ARHGAP18: variants seen among roughly 807,000 people sequenced by gnomAD.
ARHGAP18 encodes the protein rho GTPase-activating protein 18.
ARHGAP18 carries 67 observed loss-of-function variants against 86.2 expected under a neutral mutation model. The observed-to-expected ratio is 0.78, with a 90% CI of 0.64 to 0.95. The LOEUF is 0.95. Ranked by LOEUF, ARHGAP18 falls within the 40% of genes least tolerant of loss-of-function variation. ARHGAP18 has a pLI of 0.00. For synonymous variants in ARHGAP18, 283 were observed against 280.4 expected, an observed-to-expected ratio of 1.01 and a Z score of -0.09; for missense variants, 691 against 780.4, an observed-to-expected ratio of 0.89 and a Z score of 1.37.
chr6:129,645,868 T>C (rs1169036676), intron 1 of ARHGAP18, among the ~76,000 whole-genome samples: 3 of 152,188 alleles, frequency 2.0e-5, no homozygotes, highest in Non-Finnish European at 4.4e-5. Flanking sequence ...TCCTCCATGC[T>C]CTGTTTACAA....
At chr6:129,631,758 AT>A (rs869109192) in intron 4 of ARHGAP18, among the ~76,000 whole-genome samples, 16 of 114,292 alleles carry the variant, frequency 1.4e-4, no homozygotes, top group Middle Eastern at 4.3e-3. Context: ...AATTGCTTCT[AT>A]TTTAAAAAAA....
intron 10 of ARHGAP18, among the ~76,000 whole-genome samples, chr6:129,604,981 C>G (rs1043455371): frequency 6.6e-6 from 1 of 151,810 alleles, no homozygotes; most frequent in Non-Finnish European, 1.5e-5. Context: ...CAAGATGTAC[C>G]AACTAGTAAA....
chr6:129,692,959 T>C (rs1470655535), intron 1 of ARHGAP18, among the ~76,000 whole-genome samples: 1 of 152,232 alleles, frequency 6.6e-6, no homozygotes, highest in African/African-American at 2.4e-5. Context: ...CCTTCTCAAA[T>C]ATCCAGTAAT....
intron 12 of ARHGAP18, 165 bp downstream of exon 12, chr6:129,599,051 T>C (rs1788680767): frequency 1.9e-6 from 1 of 539,086 alleles, no homozygotes; most frequent in East Asian, 3.6e-5. Context: ...TACTGATCAT[T>C]AGCAGCAGTA....
At chr6:129,634,321 T>A (rs900430721) in intron 3 of ARHGAP18, among the ~76,000 whole-genome samples, 3 of 151,934 alleles carry the variant, frequency 2.0e-5, no homozygotes, top group Non-Finnish European at 4.4e-5. Flanking sequence ...GTAGGCCCAG[T>A]GGGAAATATT....
At chr6:129,625,938 T>C (rs1789449739) in intron 5 of ARHGAP18, among the ~76,000 whole-genome samples, 1 of 96,892 alleles carries the variant, frequency 1.0e-5, no homozygotes, top group Non-Finnish European at 1.9e-5. Context: ...ATATATTATA[T>C]ATTATATATT....
At chr6:129,589,162 G>A (rs1788461622) in intron 12 of ARHGAP18, among the ~76,000 whole-genome samples, 3 of 152,170 alleles carry the variant, frequency 2.0e-5, no homozygotes, top group Admixed American at 6.5e-5. Flanking sequence ...TGTTACTTCT[G>A]CAAATTTCTG....
chr6:129,638,128 G>A (rs539168446), intron 3 of ARHGAP18, among the ~76,000 whole-genome samples: 1 of 152,186 alleles, frequency 6.6e-6, no homozygotes, highest in South Asian at 2.1e-4. Flanking sequence ...TGGAGTTAAA[G>A]TCACTTGTAA....
At chr6:129,652,988 A>G (rs1388489417) in intron 1 of ARHGAP18, among the ~76,000 whole-genome samples, 1 of 152,210 alleles carries the variant, frequency 6.6e-6, no homozygotes, top group Non-Finnish European at 1.5e-5. Context: ...AAAAACATCA[A>G]CACAAGGCAA....
At chr6:129,614,467 G>C (rs549239712) in intron 7 of ARHGAP18, among the ~76,000 whole-genome samples, 2 of 152,058 alleles carry the variant, frequency 1.3e-5, no homozygotes, top group South Asian at 4.2e-4. Context: ...CCTTCAAATA[G>C]ATAAGACAGC....
chr6:129,580,554 T>C (rs1372620608), intron 13 of ARHGAP18, among the ~76,000 whole-genome samples: 4 of 152,226 alleles, frequency 2.6e-5, no homozygotes, highest in African/African-American at 9.6e-5. Flanking sequence ...TTTGCTGTGC[T>C]GACAACTCCA....
intron 1 of ARHGAP18, among the ~76,000 whole-genome samples, chr6:129,666,999 TAAA>T (rs11353429): frequency 6.6e-6 from 1 of 151,562 alleles, no homozygotes; most frequent in Non-Finnish European, 1.5e-5. Context: ...ACTCCTTTGT[TAAA>T]AAAAAATTCA....
At position 129,710,165 on chromosome 6, in the gene ARHGAP18, T is replaced by C; in HGVS notation, c.-29A>G. On this transcript the variant is annotated 5_prime_UTR_variant, in exon 1 of 15. Transcript: ENST00000368149. Reference sequence around the variant, plus strand: ...GAGAGAAGGGACATACTTTCTGCGATCCTGACACAGAGAAGGGGAAAGAAG... The same window carrying C: ...GAGAGAAGGGACATACTTTCTGCGACCCTGACACAGAGAAGGGGAAAGAAG... 9 of 1,549,422 alleles carry C rather than the reference T, an allele frequency of 5.8e-6. No homozygotes were observed. The highest frequency in any genetic ancestry group is 8.0e-6 in the Non-Finnish European group (9 of 1,123,496).
intron 4 of ARHGAP18, among the ~76,000 whole-genome samples, chr6:129,629,967 T>A (rs1029757769): frequency 2.6e-5 from 4 of 152,184 alleles, no homozygotes; most frequent in Admixed American, 2.6e-4. Context: ...GTGGATCAGT[T>A]TCCTGGAATA....
At chr6:129,676,644 A>G (rs150791327) in intron 1 of ARHGAP18, among the ~76,000 whole-genome samples, 31 of 152,280 alleles carry the variant, frequency 2.0e-4, no homozygotes, top group East Asian at 5.8e-4. Context: ...AAGCGCCTGC[A>G]AAGTGTGATG....
chr6:129,595,164 C>T (rs1250276094), intron 12 of ARHGAP18, among the ~76,000 whole-genome samples: 2 of 152,090 alleles, frequency 1.3e-5, no homozygotes, highest in Non-Finnish European at 2.9e-5. Flanking sequence ...AAATGTTTAG[C>T]ATTGTGTCTG....
At chr6:129,693,930 C>T (rs1025699675) in intron 1 of ARHGAP18, among the ~76,000 whole-genome samples, 4 of 152,124 alleles carry the variant, frequency 2.6e-5, no homozygotes, top group South Asian at 2.1e-4. Context: ...AAATGCCAGT[C>T]GACGTCAAGG....
chr6:129,631,743 G>A (rs1442996643), intron 4 of ARHGAP18, among the ~76,000 whole-genome samples: 1 of 145,468 alleles, frequency 6.9e-6, no homozygotes, highest in African/African-American at 2.6e-5. Flanking sequence ...CTGACTTTAA[G>A]ATTCAATTGC....
intron 1 of ARHGAP18, among the ~76,000 whole-genome samples, chr6:129,683,176 A>G (rs193214528): frequency 6.6e-6 from 1 of 150,540 alleles, no homozygotes. Context: ...GGTTCACACC[A>G]TTCTCCTGCC....
Sources: gnomAD v4.1 joint callset for allele counts (sites outside exome capture counted in the v4.1 genomes callset) on GRCh38, gnomAD v4.1.1 for gene constraint, MANE v1.5 for transcripts, NCBI Gene and HGNC (gene_info 2026-07-23, HGNC 2026-07-21) for gene names.